Variants in CAST observed in about 807,000 individuals in gnomAD.
CAST encodes the protein MIR583 host.
Under a neutral mutation model 119.6 loss-of-function variants are expected in CAST, and 76 were observed. That is an observed-to-expected ratio of 0.64 (90% confidence interval 0.53 to 0.77). The LOEUF is 0.77. Among genes scored for constraint, CAST ranks in the 30% least tolerant of loss-of-function variants. CAST has a pLI of 0.00. For missense variants in CAST, 953 were observed against 946.5 expected, an observed-to-expected ratio of 1.01 and a Z score of -0.09; for synonymous variants, 319 against 331.6, an observed-to-expected ratio of 0.96 and a Z score of 0.41.
At chr5:95,995,178 T>C in the CAST span, among the ~76,000 whole-genome samples, 145 of 152,194 alleles carry the variant, frequency 9.5e-4, 1 homozygote, top group Admixed American at 1.8e-3. Flanking sequence ...TGAGGTATGA[T>C]TTTTAAAATG....
At chr5:96,258,589 C>A in the CAST span, among the ~76,000 whole-genome samples, 1 of 152,094 alleles carries the variant, frequency 6.6e-6, no homozygotes, top group Non-Finnish European at 1.5e-5. Flanking sequence ...GCATTGGAGA[C>A]CCACCCCCCA....
chr5:96,212,296 G>T, the CAST span, among the ~76,000 whole-genome samples: 1 of 152,072 alleles, frequency 6.6e-6, no homozygotes, highest in African/African-American at 2.4e-5. Flanking sequence ...CACTGCTTTA[G>T]CTGTGTCCCA....
At chr5:96,537,103 A>G (rs1745830462) in intron 1 of CAST, among the ~76,000 whole-genome samples, 1 of 152,242 alleles carries the variant, frequency 6.6e-6, no homozygotes, top group African/African-American at 2.4e-5. Flanking sequence ...AGCTTTCAAT[A>G]CAGTGGCTGG....
chr5:96,335,197 CTCT>C, the CAST span, among the ~76,000 whole-genome samples: 2 of 152,186 alleles, frequency 1.3e-5, no homozygotes, highest in African/African-American at 4.8e-5. Flanking sequence ...GATGTCCTAT[CTCT>C]TCTTCTATTT....
chr5:96,207,375 G>A, the CAST span, among the ~76,000 whole-genome samples: 1 of 151,892 alleles, frequency 6.6e-6, no homozygotes, highest in Non-Finnish European at 1.5e-5. Flanking sequence ...TCTTTGTCTT[G>A]TTCTGTTGTC....
At chr5:96,129,493 G>A in the CAST span, among the ~76,000 whole-genome samples, 4 of 152,214 alleles carry the variant, frequency 2.6e-5, no homozygotes, top group East Asian at 7.7e-4. Flanking sequence ...CCAGGTAAAT[G>A]AAGAAGGAAT....
chr5:96,484,888 T>C, the CAST span, among the ~76,000 whole-genome samples: 26 of 152,150 alleles, frequency 1.7e-4, no homozygotes, highest in African/African-American at 6.0e-4. Flanking sequence ...GAGAACTCTA[T>C]GCAAAGAACA....
intron 1 of CAST, among the ~76,000 whole-genome samples, chr5:96,670,620 C>A (rs1459871636): frequency 1.3e-5 from 2 of 152,180 alleles, no homozygotes; most frequent in Non-Finnish European, 2.9e-5. Flanking sequence ...GCCTCAGCCT[C>A]CGGAGTAGCT....
At chr5:95,998,981 T>C in the CAST span, among the ~76,000 whole-genome samples, 1 of 152,194 alleles carries the variant, frequency 6.6e-6, no homozygotes, top group East Asian at 1.9e-4. Context: ...GGTTTTAATT[T>C]GCATTTCTCT....
chr5:96,162,033 G>A, the CAST span, among the ~76,000 whole-genome samples: 1 of 152,074 alleles, frequency 6.6e-6, no homozygotes, highest in East Asian at 1.9e-4. Context: ...TGGATTTTCT[G>A]TATACAAGAT....
chr5:96,597,775 A>AT (rs1747078082), intron 1 of CAST, among the ~76,000 whole-genome samples: 2 of 152,220 alleles, frequency 1.3e-5, no homozygotes, highest in Non-Finnish European at 2.9e-5. Context: ...TATGCTATTT[A>AT]TTCAGGCCTC....
At chr5:96,636,191 G>A (rs1490453708) in intron 1 of CAST, among the ~76,000 whole-genome samples, 1 of 152,116 alleles carries the variant, frequency 6.6e-6, no homozygotes, top group African/African-American at 2.4e-5. Context: ...ACTTTTTAAG[G>A]CCTCATGTCA....
the CAST span, among the ~76,000 whole-genome samples, chr5:96,121,527 G>T: frequency 6.6e-6 from 1 of 150,726 alleles, no homozygotes; most frequent in Non-Finnish European, 1.5e-5. Context: ...CTTGCTTAAA[G>T]AAAGGCTCAG....
chr5:96,621,332 C>T (rs1747599374), intron 1 of CAST, among the ~76,000 whole-genome samples: 5 of 152,206 alleles, frequency 3.3e-5, no homozygotes, highest in Admixed American at 3.3e-4. Context: ...ATGGAGGTTT[C>T]TTTCTGTCAC....
the CAST span, among the ~76,000 whole-genome samples, chr5:96,273,030 A>G: frequency 6.6e-6 from 1 of 152,254 alleles, no homozygotes; most frequent in Non-Finnish European, 1.5e-5. Context: ...ATAAATCTTT[A>G]GACGAGATAA....
chr5:96,554,321 A>T (rs995501923), intron 1 of CAST, among the ~76,000 whole-genome samples: 11 of 152,228 alleles, frequency 7.2e-5, no homozygotes, highest in Non-Finnish European at 1.5e-4. Context: ...TCCCTATTTA[A>T]TAAATGGTGT....
chr5:96,538,698 A>G lies in CAST; in HGVS notation c.60+8818A>G, dbSNP rs549962699. ...AATTAAAAAAAAAACAGAAAATGTAACATTGAAACACTGTCTCTTCACTCA... is the reference window on the plus strand; with the variant it reads ...AATTAAAAAAAAAACAGAAAATGTAGCATTGAAACACTGTCTCTTCACTCA... On this transcript the variant is annotated intron_variant, in intron 1 of 11. Coordinates refer to the CAST transcript ENST00000505143. Among the ~76,000 whole-genome samples the G allele has an allele frequency of 3.1e-4, 47 of 152,128 alleles. 1 individual carries two copies. In the South Asian group the frequency reaches 3.5e-3, roughly 11 times the overall value.
chr5:96,600,047 T>C (rs140682360), intron 1 of CAST, among the ~76,000 whole-genome samples: 50 of 151,124 alleles, frequency 3.3e-4, no homozygotes, highest in African/African-American at 1.2e-3. Context: ...CTTCCAAAGG[T>C]AGTGGCTAGA....
chr5:96,432,187 T>G, the CAST span: 1 of 1,497,758 alleles, frequency 6.7e-7, no homozygotes, highest in East Asian at 2.5e-5. Flanking sequence ...TTGGACTTTA[T>G]AAGTTCCCAG....
Sources: gnomAD v4.1 joint callset for allele counts (sites outside exome capture counted in the v4.1 genomes callset) on GRCh38, gnomAD v4.1.1 for gene constraint, MANE v1.5 for transcripts, NCBI Gene and HGNC (gene_info 2026-07-23, HGNC 2026-07-21) for gene names.